PDE3A: variants seen among roughly 807,000 people sequenced by gnomAD.
The protein encoded by PDE3A is cGMP-inhibited 3',5'-cyclic phosphodiesterase 3A.
Under a neutral mutation model 98.3 loss-of-function variants are expected in PDE3A, and 43 were observed. The observed-to-expected ratio is 0.44, with a 90% confidence interval of 0.34 to 0.56. The LOEUF (loss-of-function observed/expected upper bound fraction) is 0.56. PDE3A is among the 20% of genes least tolerant of loss of function. PDE3A has a pLI of 0.01. For missense variants in PDE3A, 1,427 were observed against 1,440.7 expected (o/e 0.99, Z 0.15); for synonymous variants, 663 against 567.9 (o/e 1.17, Z -2.38).
At chr12:20,672,638 C>T (rs1397515771) in intron 15 of PDE3A, among the ~76,000 whole-genome samples, 1 of 125,798 alleles carries the variant, frequency 7.9e-6, no homozygotes, top group Non-Finnish European at 1.6e-5. Context: ...GGAAAACTGG[C>T]TAGCCATATG....
At chr12:20,411,209 C>T (rs1261532317) in intron 1 of PDE3A, among the ~76,000 whole-genome samples, 1 of 152,138 alleles carries the variant, frequency 6.6e-6, no homozygotes, top group Non-Finnish European at 1.5e-5. Context: ...AGTTAATTCA[C>T]ATTGTTGTGC....
At chr12:20,507,488 C>T (rs1487420625) in intron 1 of PDE3A, among the ~76,000 whole-genome samples, 1 of 152,012 alleles carries the variant, frequency 6.6e-6, no homozygotes, top group Non-Finnish European at 1.5e-5. Context: ...AGACTGATAA[C>T]TCCTAAGTTC....
intron 1 of PDE3A, among the ~76,000 whole-genome samples, chr12:20,386,329 A>T (rs1486761844): frequency 6.8e-6 from 1 of 146,242 alleles, no homozygotes; most frequent in Non-Finnish European, 1.5e-5. Context: ...TGCCATTCTG[A>T]CTGGCATGTG....
At chr12:20,430,299 A>C (rs1591923657) in intron 1 of PDE3A, among the ~76,000 whole-genome samples, 1 of 152,274 alleles carries the variant, frequency 6.6e-6, no homozygotes, top group Non-Finnish European at 1.5e-5. Context: ...AAATTTTTGA[A>C]GGCCAAATGA....
chr12:20,500,867 A>T (rs1370882134), intron 1 of PDE3A, among the ~76,000 whole-genome samples: 1 of 151,100 alleles, frequency 6.6e-6, no homozygotes, highest in African/African-American at 2.4e-5. Flanking sequence ...TCCTGGGTTC[A>T]AGCAATCCTC....
chr12:20,458,128 T>A (rs542734563), intron 1 of PDE3A, among the ~76,000 whole-genome samples: 3 of 73,470 alleles, frequency 4.1e-5, no homozygotes, highest in African/African-American at 1.1e-4. Context: ...ATGCATTTAT[T>A]ATTTATAAAG....
chr12:20,402,077 T>C (rs1481723055), intron 1 of PDE3A, among the ~76,000 whole-genome samples: 1 of 152,184 alleles, frequency 6.6e-6, no homozygotes, highest in Non-Finnish European at 1.5e-5. Flanking sequence ...ATAGTTGTGC[T>C]GCTGGGGAAG....
In PDE3A at chr12:20,622,077, A is replaced by C. The variant is rs565878876; in HGVS notation, c.1540+666A>C. Among the ~76,000 whole-genome samples, 15 of 152,244 alleles carry C rather than the reference A, an allele frequency of 9.9e-5. No homozygotes were observed. In the South Asian group the frequency reaches 3.1e-3, roughly 32 times the overall value. ...TACAGAAAATATCAATGAGATTTTC[A>C]GTAACTTCCTGCTTAGTTTCTTAAT... On this transcript the variant is annotated intron_variant, in intron 5 of 15. Transcript: ENST00000359062.
At chr12:20,567,405 G>A (rs1055671041) in intron 2 of PDE3A, among the ~76,000 whole-genome samples, 1 of 151,888 alleles carries the variant, frequency 6.6e-6, no homozygotes, top group Non-Finnish European at 1.5e-5. Flanking sequence ...TTTCTGTTTT[G>A]AAAGCGTACA....
At chr12:20,517,250 A>T (rs569970218) in intron 1 of PDE3A, among the ~76,000 whole-genome samples, 2 of 152,344 alleles carry the variant, frequency 1.3e-5, no homozygotes, top group East Asian at 3.9e-4. Context: ...GTTTGATTTA[A>T]CAACTAAGTT....
chr12:20,567,133 T>A (rs1942681075), intron 2 of PDE3A, among the ~76,000 whole-genome samples: 1 of 152,028 alleles, frequency 6.6e-6, no homozygotes, highest in Non-Finnish European at 1.5e-5. Flanking sequence ...AGTTTTGTTT[T>A]ATAGTGATTA....
intron 1 of PDE3A, among the ~76,000 whole-genome samples, chr12:20,418,163 C>T (rs1424595215): frequency 1.1e-4 from 17 of 152,114 alleles, no homozygotes; most frequent in Admixed American, 1.0e-3. Flanking sequence ...TTGTCACTGC[C>T]TAGTCCTTGG....
chr12:20,369,917 C>G lies in PDE3A; in HGVS notation c.633C>G (p.Gly211=). 6.2e-7 allele frequency: 1 copy of G among 1,613,412 alleles called. No homozygotes were observed. Among genetic ancestry groups the G allele is most frequent in the Non-Finnish European group, 8.5e-7 (1 of 1,179,998 alleles). ...GGCTGGTGCTGAGGCTGAGGCTGGG[C>G]GTCCTCATGATCGCCTTGACTAGCG... ...ATWLVLRLRL[G]VLMIALTSAV... is the part of the protein sequence containing the mutation. Residue 211 remains glycine (G), a synonymous_variant, in exon 1 of 16, where the codon GGC becomes GGG. Transcript: ENST00000359062.
chr12:20,395,007 G>A (rs1943982860), intron 1 of PDE3A, among the ~76,000 whole-genome samples: 1 of 152,038 alleles, frequency 6.6e-6, no homozygotes, highest in African/African-American at 2.4e-5. Flanking sequence ...ATGGAAAGAA[G>A]GATGGAATCA....
At chr12:20,471,338 C>T (rs1005790769) in intron 1 of PDE3A, among the ~76,000 whole-genome samples, 2 of 152,052 alleles carry the variant, frequency 1.3e-5, no homozygotes, top group African/African-American at 4.8e-5. Context: ...TTGAGAGGCC[C>T]CATCCGTGAT....
intron 2 of PDE3A, among the ~76,000 whole-genome samples, chr12:20,574,849 A>T (rs575563157): frequency 2.1e-4 from 32 of 152,176 alleles, no homozygotes; most frequent in Non-Finnish European, 4.1e-4. Context: ...TCTCAATATC[A>T]TCCTACAGTA....
At position 20,509,405 on chromosome 12, in the gene PDE3A, A is replaced by G. The variant is rs148420282; in HGVS notation, c.961-47255A>G. 1.1e-3 allele frequency among the ~76,000 whole-genome samples: 171 copies of G among 152,096 alleles called. 2 individuals are homozygous for G. The East Asian group carries it at 0.029, about 26-fold the overall frequency. On this transcript the variant is annotated intron_variant, in intron 1 of 15. Transcript: ENST00000359062. ...AATGTTCACTTTCTGTCTTCTGGGT[A>G]CCCCTACATTAGTTTCTGTTGCCCT...
intron 1 of PDE3A, among the ~76,000 whole-genome samples, chr12:20,492,003 CAG>C (rs1196821323): frequency 1.3e-5 from 2 of 151,496 alleles, no homozygotes; most frequent in Non-Finnish European, 2.9e-5. Flanking sequence ...TTTTTTGAGG[CAG>C]AGTCTCGCCG....
intron 1 of PDE3A, among the ~76,000 whole-genome samples, chr12:20,505,604 T>C (rs1946103075): frequency 6.6e-6 from 1 of 152,090 alleles, no homozygotes; most frequent in Non-Finnish European, 1.5e-5. Flanking sequence ...CTGCCTCAAA[T>C]GTTAAGCTTT....
Sources: allele counts gnomAD v4.1 joint callset (sites outside exome capture counted in the v4.1 genomes callset), GRCh38; gene constraint gnomAD v4.1.1; transcripts MANE v1.5; gene names NCBI Gene and HGNC (gene_info 2026-07-23, HGNC 2026-07-21).